DGKI: variants seen among roughly 807,000 people sequenced by gnomAD.
DGKI encodes diacylglycerol kinase iota.
In DGKI, 55 loss-of-function variants were observed where a neutral mutation model predicts 147.5. The ratio of observed to expected loss-of-function variants is 0.37; its 90% confidence interval spans 0.30 to 0.47. The LOEUF is 0.47. DGKI is among the 20% of genes least tolerant of loss of function. The pLI is 1.00. For missense variants in DGKI, 1,007 were observed against 1,323.8 expected (o/e 0.76, Z 3.71); for synonymous variants, 469 against 477.1 (o/e 0.98, Z 0.22).
intron 6 of DGKI, among the ~76,000 whole-genome samples, chr7:137,625,995 T>G (rs1362663876): frequency 6.6e-6 from 1 of 152,186 alleles, no homozygotes; most frequent in Non-Finnish European, 1.5e-5. Flanking sequence ...TCCTTCCACA[T>G]GTGTTTCACA....
At chr7:137,836,795 C>A (rs931082335) in intron 1 of DGKI, among the ~76,000 whole-genome samples, 1 of 152,192 alleles carries the variant, frequency 6.6e-6, no homozygotes, top group Non-Finnish European at 1.5e-5. Flanking sequence ...TGATTATTCA[C>A]AGAGCTAAGT....
chr7:137,509,675 A>G (rs1470680643), intron 21 of DGKI, among the ~76,000 whole-genome samples: 6 of 152,338 alleles, frequency 3.9e-5, no homozygotes, highest in African/African-American at 9.6e-5. Context: ...TCAATGCCTC[A>G]AAGGCAGTTT....
At chr7:137,832,088 G>GTTTTCTT (rs1174923647) in intron 1 of DGKI, among the ~76,000 whole-genome samples, 2 of 152,222 alleles carry the variant, frequency 1.3e-5, no homozygotes, top group African/African-American at 4.8e-5. Flanking sequence ...GCTTCGCAGG[G>GTTTTCTT]TATAGCCCCT....
intron 20 of DGKI, among the ~76,000 whole-genome samples, chr7:137,535,617 C>T (rs748927888): frequency 3.3e-5 from 5 of 152,034 alleles, no homozygotes; most frequent in Admixed American, 1.3e-4. Flanking sequence ...CAGTAAATAT[C>T]CGCTGCACTT....
chr7:137,682,412 A>C (rs924481227), intron 2 of DGKI, among the ~76,000 whole-genome samples: 1 of 152,176 alleles, frequency 6.6e-6, no homozygotes, highest in African/African-American at 2.4e-5. Flanking sequence ...TTTACTCATC[A>C]GTCACATAAA....
intron 5 of DGKI, among the ~76,000 whole-genome samples, chr7:137,647,534 A>G (rs956838780): frequency 2.6e-5 from 4 of 152,168 alleles, no homozygotes; most frequent in African/African-American, 9.7e-5. Context: ...TTGTATGTAC[A>G]ATCGTAAATA....
intron 6 of DGKI, among the ~76,000 whole-genome samples, chr7:137,625,196 A>C (rs1319769073): frequency 6.6e-6 from 1 of 152,108 alleles, no homozygotes; most frequent in African/African-American, 2.4e-5. Flanking sequence ...GTGGTGGCTC[A>C]CGCCTGTAAT....
chr7:137,618,151 A>ATATATATATATATATATATATATTTTTT, intron 8 of DGKI, among the ~76,000 whole-genome samples: 7 of 10,444 alleles, frequency 6.7e-4, no homozygotes, highest in South Asian at 0.023. Context: ...ATATATATAT[A>ATATATATATATATATATATATATTTTTT]TTTTTTTTTT....
intron 1 of DGKI, among the ~76,000 whole-genome samples, chr7:137,826,475 T>G (rs972222583): frequency 1.3e-5 from 2 of 152,100 alleles, no homozygotes; most frequent in Admixed American, 6.5e-5. Flanking sequence ...AGCTGCAAAA[T>G]TATCTGTATT....
chr7:137,654,813 T>C (rs1440285895), intron 4 of DGKI, 25 bp from the exon 5 acceptor site: 2 of 1,483,050 alleles, frequency 1.3e-6, no homozygotes, highest in African/African-American at 2.8e-5. Flanking sequence ...GAAAAGTATA[T>C]TATATTAGAG....
chr7:137,720,538 G>C (rs1332289627), intron 1 of DGKI, among the ~76,000 whole-genome samples: 1 of 152,114 alleles, frequency 6.6e-6, no homozygotes, highest in Non-Finnish European at 1.5e-5. Context: ...GATTACAGGT[G>C]TGAGCCACCG....
chr7:137,703,918 T>A (rs1793914097), intron 1 of DGKI, among the ~76,000 whole-genome samples: 3 of 152,126 alleles, frequency 2.0e-5, no homozygotes. Context: ...AGACATTTTT[T>A]AAAAATTGCA....
intron 20 of DGKI, among the ~76,000 whole-genome samples, chr7:137,531,521 C>T (rs1817338444): frequency 6.6e-6 from 1 of 152,106 alleles, no homozygotes. Flanking sequence ...AGCAGTTGGG[C>T]TTGAACCAAT....
chr7:137,581,292 C>T lies in DGKI; in HGVS notation c.1642+558G>A, dbSNP rs538586133. ...TATCATCCAGTGGGGATCCCTAGTA[C>T]CTTCCTAATTAATCCCATCACCATT... On this transcript the variant is annotated intron_variant, in intron 15 of 32. Coordinates refer to ENST00000614521, the MANE Select transcript of DGKI (RefSeq NM_001321708.2). Among the ~76,000 whole-genome samples the T allele has an allele frequency of 1.0e-3, 153 of 152,240 alleles. 1 individual carries two copies. Among genetic ancestry groups the T allele is most frequent in the African/African-American group, 3.6e-3 (149 of 41,564 alleles).
rs1415124096 is a variant in DGKI at position 137,593,369 on chromosome 7, G to C, written c.1311+4478C>G. The stretch of plus-strand genomic sequence containing the variant: ...TTGAATAGGTGTCAACGTGGCCAAG[G>C]AAGTGAGAAAATACAAATTTATCAC... On this transcript the variant is annotated intron_variant, in intron 12 of 32. Transcript: ENST00000614521. Among the ~76,000 whole-genome samples, 5 of 152,190 alleles carry C rather than the reference G, an allele frequency of 3.3e-5. No individual in the cohort carries two copies. In the East Asian group the frequency reaches 9.6e-4, roughly 29 times the overall value.
intron 20 of DGKI, among the ~76,000 whole-genome samples, chr7:137,532,100 T>C (rs1817360306): frequency 6.6e-6 from 1 of 152,032 alleles, no homozygotes; most frequent in Non-Finnish European, 1.5e-5. Flanking sequence ...TAGCCAAAAT[T>C]CATGAAGCAA....
In DGKI at chr7:137,709,885, TA is replaced by T. The variant is rs1224562431; in HGVS notation, c.402-19884del. Among the ~76,000 whole-genome samples the T allele has an allele frequency of 4.0e-5, 6 of 151,814 alleles. No individual in the cohort carries two copies. In the East Asian group the frequency reaches 5.8e-4, roughly 15 times the overall value. On this transcript the variant is annotated intron_variant, in intron 1 of 32. Coordinates refer to ENST00000614521, the MANE Select transcript of DGKI (RefSeq NM_001321708.2). Reference sequence around the variant, plus strand: ...ACCATAAACAAATGAATAAATACTTTAAAAAGAACAAAAATAAATTTTAATA... The same window carrying T: ...ACCATAAACAAATGAATAAATACTTTAAAAGAACAAAAATAAATTTTAATA...
At chr7:137,659,401 T>C (rs1046045183) in intron 3 of DGKI, among the ~76,000 whole-genome samples, 38 of 152,174 alleles carry the variant, frequency 2.5e-4, no homozygotes, top group African/African-American at 9.2e-4. Context: ...GTTAAAGTTA[T>C]TTGAAGTAGT....
At chr7:137,620,493 G>A (rs967049037) in intron 7 of DGKI, among the ~76,000 whole-genome samples, 2 of 152,018 alleles carry the variant, frequency 1.3e-5, no homozygotes, top group Non-Finnish European at 2.9e-5. Context: ...GTTTAGAGAA[G>A]GCAGAAAAGA....
Sources: allele counts gnomAD v4.1 joint callset (sites outside exome capture counted in the v4.1 genomes callset), GRCh38; gene constraint gnomAD v4.1.1; transcripts MANE v1.5; gene names NCBI Gene and HGNC (gene_info 2026-07-23, HGNC 2026-07-21).